The following MGAT4C variants were observed in gnomAD, a reference collection of about 807,000 sequenced individuals.
MGAT4C encodes alpha-1,3-mannosyl-glycoprotein 4-beta-N-acetylglucosaminyltransferase C.
Under a neutral mutation model 40.1 loss-of-function variants are expected in MGAT4C, and 19 were observed. The ratio of observed to expected loss-of-function variants is 0.47; its 90% confidence interval spans 0.33 to 0.70. MGAT4C has a LOEUF of 0.70. MGAT4C is among the 30% of genes least tolerant of loss of function. The pLI is 0.02. For synonymous variants in MGAT4C, 181 were observed against 187.1 expected, an observed-to-expected ratio of 0.97 and a Z score of 0.27; for missense variants, 491 against 563.2, an observed-to-expected ratio of 0.87 and a Z score of 1.30.
chr12:86,007,854 T>C (rs898515249), intron 2 of MGAT4C, among the ~76,000 whole-genome samples: 2 of 152,014 alleles, frequency 1.3e-5, no homozygotes, highest in East Asian at 1.9e-4. Flanking sequence ...ATAGTTTTAG[T>C]TTTTAGGGTA....
intron 2 of MGAT4C, among the ~76,000 whole-genome samples, chr12:86,514,877 A>G (rs954394765): frequency 1.3e-5 from 2 of 152,244 alleles, no homozygotes; most frequent in Admixed American, 1.3e-4. Flanking sequence ...AGTAGTCAGA[A>G]GGCAGTGAGA....
intron 2 of MGAT4C, among the ~76,000 whole-genome samples, chr12:86,587,233 T>G (rs1030764828): frequency 2.0e-5 from 3 of 152,036 alleles, no homozygotes; most frequent in Non-Finnish European, 4.4e-5. Flanking sequence ...TGCTTGTTTT[T>G]CTCAGGTTTG....
intron 2 of MGAT4C, among the ~76,000 whole-genome samples, chr12:86,669,304 TGCA>T: frequency 1.3e-5 from 2 of 151,804 alleles, no homozygotes; most frequent in Admixed American, 1.3e-4. Context: ...ACCTTTCCTG[TGCA>T]GAGATCCAGG....
intron 1 of MGAT4C, among the ~76,000 whole-genome samples, chr12:86,092,080 A>T (rs1388044671): frequency 1.3e-5 from 2 of 152,120 alleles, no homozygotes; most frequent in East Asian, 3.9e-4. Flanking sequence ...CTGATATACG[A>T]CAGGACAAAA....
intron 2 of MGAT4C, among the ~76,000 whole-genome samples, chr12:86,641,267 G>A (rs1431609535): frequency 1.3e-5 from 2 of 149,822 alleles, no homozygotes; most frequent in South Asian, 2.1e-4. Context: ...ACTATTGCAA[G>A]AACAAAAAAC....
In MGAT4C at chr12:85,955,736, G is replaced by A. The variant is rs563758952; in HGVS notation, c.*23553C>T. 5.3e-5 allele frequency: 8 copies of A among 152,028 alleles called. No individual in the cohort carries two copies. The highest frequency in any genetic ancestry group is 1.3e-4 in the Admixed American group (2 of 15,252). 9.4% of individuals were successfully genotyped at this position (152,028 alleles called of 1,614,324 possible). On this transcript the variant is annotated 3_prime_UTR_variant, in exon 5 of 5. Transcript: ENST00000611864. ...AATTTCAAACAATTCTGAATTTGTT[G>A]CTTCAAATGAATAATAAATTGCAGA...
At chr12:86,763,725 T>C (rs1951446580) in intron 1 of MGAT4C, among the ~76,000 whole-genome samples, 2 of 151,964 alleles carry the variant, frequency 1.3e-5, no homozygotes, top group Non-Finnish European at 2.9e-5. Flanking sequence ...CACACACAAA[T>C]GTGTGTGTGT....
intron 2 of MGAT4C, among the ~76,000 whole-genome samples, chr12:86,554,445 A>G (rs1959514246): frequency 1.3e-5 from 2 of 152,062 alleles, no homozygotes. Context: ...TGTCTACCAT[A>G]TTGCCCAGCT....
At chr12:86,467,247 T>C (rs75113336) in intron 2 of MGAT4C, among the ~76,000 whole-genome samples, 1 of 152,256 alleles carries the variant, frequency 6.6e-6, no homozygotes, top group East Asian at 1.9e-4. Flanking sequence ...TGCAAATTAT[T>C]AGTATGTACA....
chr12:86,822,018 A>C (rs1952714596), intron 1 of MGAT4C, among the ~76,000 whole-genome samples: 1 of 151,056 alleles, frequency 6.6e-6, no homozygotes, highest in East Asian at 1.9e-4. Flanking sequence ...AAGACACAAT[A>C]CGACTAGGTA....
At chr12:86,352,936 G>A (rs1174056160) in intron 3 of MGAT4C, among the ~76,000 whole-genome samples, 1 of 151,460 alleles carries the variant, frequency 6.6e-6, no homozygotes, top group African/African-American at 2.4e-5. Context: ...GTTAATGGGT[G>A]CAGCATACCA....
At chr12:86,237,960 T>C (rs1270427637) in intron 1 of MGAT4C, among the ~76,000 whole-genome samples, 1 of 151,976 alleles carries the variant, frequency 6.6e-6, no homozygotes, top group Non-Finnish European at 1.5e-5. Flanking sequence ...TGTAGAGTCA[T>C]TTGAAATACA....
intron 2 of MGAT4C, among the ~76,000 whole-genome samples, chr12:86,039,844 C>T (rs556118123): frequency 5.5e-4 from 83 of 152,214 alleles, no homozygotes; most frequent in Middle Eastern, 3.4e-3. Flanking sequence ...ATTGGTTTTT[C>T]GCTTTCTTTG....
chr12:86,620,578 T>C (rs1193726458), intron 2 of MGAT4C, among the ~76,000 whole-genome samples: 13 of 152,100 alleles, frequency 8.5e-5, no homozygotes, highest in Admixed American at 8.5e-4. Flanking sequence ...GGGAGGGGGA[T>C]GGTGGTTAAA....
intron 1 of MGAT4C, among the ~76,000 whole-genome samples, chr12:86,754,059 C>T (rs1319262423): frequency 5.9e-5 from 9 of 152,130 alleles, no homozygotes; most frequent in Admixed American, 5.9e-4. Flanking sequence ...AGTAGCTCTA[C>T]TTATAATAGC....
intron 1 of MGAT4C, among the ~76,000 whole-genome samples, chr12:86,182,593 C>T (rs1003983150): frequency 1.3e-5 from 2 of 151,864 alleles, no homozygotes; most frequent in African/African-American, 2.4e-5. Flanking sequence ...TCTTCTCTCT[C>T]TTTATTCATT....
chr12:86,254,649 C>T (rs770206953), intron 1 of MGAT4C, among the ~76,000 whole-genome samples: 1 of 152,010 alleles, frequency 6.6e-6, no homozygotes, highest in Non-Finnish European at 1.5e-5. Flanking sequence ...CTCATGCTTT[C>T]AAGCTCATAT....
intron 2 of MGAT4C, among the ~76,000 whole-genome samples, chr12:86,697,817 G>C (rs992082045): frequency 2.0e-5 from 3 of 151,984 alleles, no homozygotes; most frequent in Non-Finnish European, 2.9e-5. Context: ...AATACTGAAG[G>C]TTATATAATA....
At chr12:86,542,140 T>C (rs909519039) in intron 2 of MGAT4C, among the ~76,000 whole-genome samples, 3 of 152,160 alleles carry the variant, frequency 2.0e-5, no homozygotes, top group African/African-American at 7.2e-5. Context: ...GATCCCACCT[T>C]AGACATGCTG....
Sources: gnomAD v4.1 joint callset for allele counts (sites outside exome capture counted in the v4.1 genomes callset) on GRCh38, gnomAD v4.1.1 for gene constraint, MANE v1.5 for transcripts, NCBI Gene and HGNC (gene_info 2026-07-23, HGNC 2026-07-21) for gene names.